ARHGAP24: variants seen among roughly 807,000 people sequenced by gnomAD.
The protein encoded by ARHGAP24 is rho GTPase-activating protein 24.
ARHGAP24 carries 50 observed loss-of-function variants against 76.4 expected under a neutral mutation model. The ratio of observed to expected loss-of-function variants is 0.65; its 90% CI spans 0.52 to 0.83. The LOEUF (loss-of-function observed/expected upper bound fraction) is 0.83. ARHGAP24 is among the 40% of genes least tolerant of loss of function. ARHGAP24 has a pLI of 0.00. For synonymous variants in ARHGAP24, 345 were observed against 323.3 expected (o/e 1.07, Z -0.72); for missense variants, 930 against 914.2 (o/e 1.02, Z -0.22).
chr4:85,576,043 T>G (rs1034014141), intron 2 of ARHGAP24, among the ~76,000 whole-genome samples: 8 of 152,222 alleles, frequency 5.3e-5, no homozygotes, highest in African/African-American at 1.9e-4. Flanking sequence ...TAGATCACAA[T>G]GGATTTTCTT....
chr4:85,521,117 C>T (rs148255718), intron 1 of ARHGAP24, among the ~76,000 whole-genome samples: 7 of 152,294 alleles, frequency 4.6e-5, no homozygotes, highest in Admixed American at 1.3e-4. Flanking sequence ...ATTGGAGGCA[C>T]AAGCCTCATT....
At chr4:85,587,784 A>C (rs879255797) in intron 2 of ARHGAP24, among the ~76,000 whole-genome samples, 2 of 152,116 alleles carry the variant, frequency 1.3e-5, no homozygotes, top group Admixed American at 1.3e-4. Context: ...TTATTCATGA[A>C]TAGATTTATG....
chr4:85,756,613 C>T (rs1158200890), intron 3 of ARHGAP24, among the ~76,000 whole-genome samples: 2 of 152,030 alleles, frequency 1.3e-5, no homozygotes, highest in Non-Finnish European at 2.9e-5. Context: ...TGACTTGAAA[C>T]ATTTCAGTGA....
intron 1 of ARHGAP24, among the ~76,000 whole-genome samples, chr4:85,517,480 A>G (rs1159298847): frequency 6.6e-6 from 1 of 152,196 alleles, no homozygotes; most frequent in African/African-American, 2.4e-5. Context: ...TAACATTTAA[A>G]TTTCAAAAAT....
At chr4:85,923,576 G>A in intron 3 of ARHGAP24, 72 bp from the exon 4 acceptor site, 1 of 1,602,414 alleles carries the variant, frequency 6.2e-7, no homozygotes, top group Non-Finnish European at 8.5e-7. Context: ...CTGTTTCAGG[G>A]GTTCTTCTGG....
At chr4:85,595,592 A>G (rs1282104524) in intron 2 of ARHGAP24, among the ~76,000 whole-genome samples, 4 of 152,072 alleles carry the variant, frequency 2.6e-5, no homozygotes, top group Non-Finnish European at 5.9e-5. Context: ...GACTTTAGGG[A>G]ACATAATGGA....
intron 8 of ARHGAP24, among the ~76,000 whole-genome samples, chr4:85,985,225 A>G (rs1251845579): frequency 6.6e-6 from 1 of 152,230 alleles, no homozygotes; most frequent in African/African-American, 2.4e-5. Flanking sequence ...AGGATGTGGA[A>G]TCAACCTAAA....
intron 1 of ARHGAP24, among the ~76,000 whole-genome samples, chr4:85,481,386 G>GT (rs1421987661): frequency 6.6e-6 from 1 of 152,106 alleles, no homozygotes; most frequent in Non-Finnish European, 1.5e-5. Flanking sequence ...AATAAACTGT[G>GT]TATTTCATGG....
intron 1 of ARHGAP24, 94 bp from the exon 2 acceptor site, chr4:85,570,428 T>G (rs1179972449): frequency 2.6e-5 from 16 of 626,658 alleles, no homozygotes; most frequent in Non-Finnish European, 4.1e-5. Flanking sequence ...CCTCTCTCTC[T>G]CTCTTTTTTT....
In ARHGAP24 at chr4:85,494,327, G is replaced by A. The variant is rs570731847; in HGVS notation, c.-21+18768G>A. The stretch of plus-strand genomic sequence containing the variant: ...GTGTGGTTCCCCTCTCTGTGTCCAT[G>A]TGTTCTCATTGTTCAACACCCACTT... On this transcript the variant is annotated intron_variant, in intron 1 of 9. Coordinates refer to ENST00000395184, the MANE Select transcript of ARHGAP24 (RefSeq NM_001025616.3). 2.6e-5 allele frequency among the ~76,000 whole-genome samples: 4 copies of A among 152,098 alleles called. No homozygotes were observed. The East Asian group carries it at 5.8e-4, about 22-fold the overall frequency.
chr4:85,961,788 G>T (rs2148842272), intron 5 of ARHGAP24, among the ~76,000 whole-genome samples: 1 of 152,062 alleles, frequency 6.6e-6, no homozygotes, highest in Non-Finnish European at 1.5e-5. Flanking sequence ...ATGCACACGT[G>T]CATACACACA....
In ARHGAP24 at chr4:85,643,544, C is replaced by T. The variant is rs962293792; in HGVS notation, c.180+72823C>T. On this transcript the variant is annotated intron_variant, in intron 2 of 9. Transcript: ENST00000395184. ...AAGTGCTGGGATTACAGGCGTGAGC[C>T]ACCGCGCCCGGCCTTTTTTTGTGTT... Among the ~76,000 whole-genome samples the T allele has an allele frequency of 5.3e-5, 8 of 150,586 alleles. 2 individuals are homozygous for T. Among genetic ancestry groups the T allele is most frequent in the Non-Finnish European group, 1.2e-4 (8 of 67,676 alleles).
intron 1 of ARHGAP24, among the ~76,000 whole-genome samples, chr4:85,511,416 C>A (rs768810701): frequency 5.3e-5 from 8 of 151,946 alleles, no homozygotes; most frequent in Non-Finnish European, 1.0e-4. Context: ...TGGTTTTAAA[C>A]AAAAGAAATT....
chr4:85,973,641 C>T (rs2148852619), intron 6 of ARHGAP24, among the ~76,000 whole-genome samples: 1 of 152,164 alleles, frequency 6.6e-6, no homozygotes, highest in East Asian at 1.9e-4. Context: ...TCTTCTAAGA[C>T]TTCTATAGCT....
chr4:85,874,641 T>C (rs1024753014), intron 3 of ARHGAP24, among the ~76,000 whole-genome samples: 1 of 151,130 alleles, frequency 6.6e-6, no homozygotes, highest in African/African-American at 2.4e-5. Context: ...GTTTAACGAT[T>C]ACAAGGTGAG....
chr4:85,931,186 C>T (rs1736312969), intron 4 of ARHGAP24: 1 of 804,416 alleles, frequency 1.2e-6, no homozygotes, highest in Non-Finnish European at 1.9e-6. Flanking sequence ...CGTATCCTTG[C>T]TTGTCTATAC....
At chr4:85,764,920 C>T (rs1445119030) in intron 3 of ARHGAP24, among the ~76,000 whole-genome samples, 1 of 152,040 alleles carries the variant, frequency 6.6e-6, no homozygotes, top group Non-Finnish European at 1.5e-5. Context: ...TATACTTGTT[C>T]CTTGCCCCTT....
chr4:85,477,559 C>A (rs986485328), intron 1 of ARHGAP24, among the ~76,000 whole-genome samples: 3 of 152,152 alleles, frequency 2.0e-5, no homozygotes, highest in African/African-American at 7.2e-5. Flanking sequence ...TGAGAGCTTT[C>A]ATGGATCATG....
chr4:85,612,389 C>T (rs547869796), intron 2 of ARHGAP24, among the ~76,000 whole-genome samples: 2 of 151,722 alleles, frequency 1.3e-5, no homozygotes, highest in South Asian at 2.1e-4. Flanking sequence ...CTCCACTCGG[C>T]GTGGAGTGAG....
Sources: gnomAD v4.1 joint callset for allele counts (sites outside exome capture counted in the v4.1 genomes callset) on GRCh38, gnomAD v4.1.1 for gene constraint, MANE v1.5 for transcripts, NCBI Gene and HGNC (gene_info 2026-07-23, HGNC 2026-07-21) for gene names.